LDB2: variants seen among roughly 807,000 people sequenced by gnomAD.
LDB2 encodes the protein LIM domain-binding protein 2.
In LDB2, 12 loss-of-function variants were observed where a neutral mutation model predicts 44.3. That is an observed-to-expected ratio of 0.27 (90% CI 0.17 to 0.44). The LOEUF is 0.44. Ranked by LOEUF, LDB2 falls within the 20% of genes least tolerant of loss-of-function variation. LDB2 has a pLI of 1.00. For missense variants in LDB2, 344 were observed against 473.5 expected, an observed-to-expected ratio of 0.73 and a Z score of 2.54; for synonymous variants, 164 against 174.8, an observed-to-expected ratio of 0.94 and a Z score of 0.49.
intron 1 of LDB2, among the ~76,000 whole-genome samples, chr4:16,764,210 T>C (rs373584577): frequency 2.6e-5 from 4 of 152,280 alleles, no homozygotes; most frequent in African/African-American, 9.6e-5. Context: ...CAGCATTGAC[T>C]AGAGGAAATT....
At chr4:16,615,610 T>G (rs1727075676) in intron 2 of LDB2, among the ~76,000 whole-genome samples, 1 of 148,896 alleles carries the variant, frequency 6.7e-6, no homozygotes, top group Non-Finnish European at 1.5e-5. Flanking sequence ...TGTTGGGGGG[T>G]GGGGGGTGAA....
chr4:16,548,127 A>G (rs754888687), intron 5 of LDB2, among the ~76,000 whole-genome samples: 4 of 151,610 alleles, frequency 2.6e-5, no homozygotes, highest in South Asian at 2.1e-4. Flanking sequence ...CCTGGCCTCA[A>G]CTTTCCTGGT....
chr4:16,585,498 C>G (rs766516965), intron 5 of LDB2, among the ~76,000 whole-genome samples: 7 of 152,104 alleles, frequency 4.6e-5, no homozygotes, highest in Non-Finnish European at 1.0e-4. Context: ...TGTTTCAGCA[C>G]GGGATTGGAT....
Position 16,666,031 on chromosome 4 carries a change from G to A in LDB2, c.236-70156C>T, listed in dbSNP as rs750743213. On this transcript the variant is annotated intron_variant, in intron 2 of 7. Coordinates refer to ENST00000304523, the MANE Select transcript of LDB2 (RefSeq NM_001290.5). ...GAGCCCTCAGAAAGAAACAACCAAC[G>A]CTGCCGACACCTTGATTTTAGTCTT... Among the ~76,000 whole-genome samples, 95 of 152,268 alleles carry A rather than the reference G, an allele frequency of 6.2e-4. 1 individual carries two copies. The highest frequency in any genetic ancestry group is 1.0e-3 in the South Asian group (5 of 4,818).
At chr4:16,766,758 G>A (rs1267420463) in intron 1 of LDB2, among the ~76,000 whole-genome samples, 2 of 151,790 alleles carry the variant, frequency 1.3e-5, no homozygotes, top group African/African-American at 2.4e-5. Context: ...CACCTGCCTC[G>A]GCCTCCCAAA....
chr4:16,865,386 G>A (rs1421386222), intron 1 of LDB2, among the ~76,000 whole-genome samples: 1 of 152,154 alleles, frequency 6.6e-6, no homozygotes, highest in African/African-American at 2.4e-5. Context: ...TTCTTCACAG[G>A]AAGGAAAAAT....
chr4:16,546,056 C>A (rs1329657363), intron 5 of LDB2, among the ~76,000 whole-genome samples: 3 of 152,170 alleles, frequency 2.0e-5, no homozygotes, highest in Admixed American at 6.5e-5. Context: ...CCATTTGTCT[C>A]ATTTTTCCTC....
chr4:16,766,538 C>T (rs1177788256), intron 1 of LDB2, among the ~76,000 whole-genome samples: 2 of 144,434 alleles, frequency 1.4e-5, no homozygotes, highest in Non-Finnish European at 3.0e-5. Context: ...CAGAATCTCG[C>T]TCTGTCACCG....
intron 5 of LDB2, among the ~76,000 whole-genome samples, chr4:16,558,764 T>A (rs1740823184): frequency 6.6e-6 from 1 of 152,016 alleles, no homozygotes; most frequent in Non-Finnish European, 1.5e-5. Context: ...ATTGTCAGAT[T>A]CACCAAAGTT....
chr4:16,685,083 C>G (rs1176683654), intron 2 of LDB2, among the ~76,000 whole-genome samples: 1 of 152,100 alleles, frequency 6.6e-6, no homozygotes, highest in East Asian at 1.9e-4. Context: ...TGGAAAGGGC[C>G]TCAGTTTTCC....
At chr4:16,509,896 G>A (rs1421454821) in intron 6 of LDB2, among the ~76,000 whole-genome samples, 2 of 152,108 alleles carry the variant, frequency 1.3e-5, no homozygotes, top group Non-Finnish European at 2.9e-5. Flanking sequence ...CAAGTGGATT[G>A]TTTGAGCCCA....
chr4:16,744,794 A>C (rs1764059213), intron 2 of LDB2, among the ~76,000 whole-genome samples: 1 of 152,176 alleles, frequency 6.6e-6, no homozygotes, highest in Non-Finnish European at 1.5e-5. Context: ...TGTTTTATGA[A>C]GAATTAGGAA....
chr4:16,522,276 T>TTG (rs139556977), intron 5 of LDB2, among the ~76,000 whole-genome samples: 13,914 of 150,282 alleles, frequency 0.093, 805 homozygotes, highest in South Asian at 0.14. Context: ...GTGTGTGTGT[T>TTG]TGTGTGTGTG....
At chr4:16,878,562 T>G (rs1719102268) in intron 1 of LDB2, among the ~76,000 whole-genome samples, 1 of 152,208 alleles carries the variant, frequency 6.6e-6, no homozygotes, top group Non-Finnish European at 1.5e-5. Flanking sequence ...ATTCTAATGA[T>G]GTACCTTCTC....
At chr4:16,612,519 A>C (rs908217601) in intron 2 of LDB2, among the ~76,000 whole-genome samples, 1 of 152,204 alleles carries the variant, frequency 6.6e-6, no homozygotes, top group Non-Finnish European at 1.5e-5. Flanking sequence ...GTAAAAAAAG[A>C]TAAAGGGGAT....
chr4:16,588,681 G>A (rs535184275), intron 4 of LDB2, 29 bp downstream of exon 4: 1 of 1,607,074 alleles, frequency 6.2e-7, no homozygotes, highest in Admixed American at 1.7e-5. Context: ...AAAAAGAAAA[G>A]AAAGCAAAAC....
At chr4:16,543,208 T>C (rs985049817) in intron 5 of LDB2, among the ~76,000 whole-genome samples, 1 of 152,170 alleles carries the variant, frequency 6.6e-6, no homozygotes, top group Admixed American at 6.5e-5. Flanking sequence ...GTCTTTGCTA[T>C]TGTGAATAGT....
rs990232123 is a variant in LDB2, at chr4:16,821,633, C to T, written c.133-62373G>A. Reference sequence around the variant, plus strand: ...CTCAATCTCCTAATCTCGTGATCTGCCCACCTCGGCCTCCCAAAGTGCTGG... The same window carrying T: ...CTCAATCTCCTAATCTCGTGATCTGTCCACCTCGGCCTCCCAAAGTGCTGG... On this transcript the variant is annotated intron_variant, in intron 1 of 7. Coordinates refer to ENST00000304523, the MANE Select transcript of LDB2 (RefSeq NM_001290.5). 3.3e-5 allele frequency among the ~76,000 whole-genome samples: 5 copies of T among 150,488 alleles called. 1 individual carries two copies. In the East Asian group the frequency reaches 9.8e-4, roughly 29 times the overall value.
At chr4:16,864,102 G>C (rs1448905014) in intron 1 of LDB2, among the ~76,000 whole-genome samples, 2 of 152,130 alleles carry the variant, frequency 1.3e-5, no homozygotes, top group African/African-American at 4.8e-5. Flanking sequence ...ATTCACATGA[G>C]AGAGAGGGAG....
Sources: gnomAD v4.1 joint callset for allele counts (sites outside exome capture counted in the v4.1 genomes callset) on GRCh38, gnomAD v4.1.1 for gene constraint, MANE v1.5 for transcripts, NCBI Gene and HGNC (gene_info 2026-07-23, HGNC 2026-07-21) for gene names.